The following SLC9A2 variants were observed in gnomAD, a reference collection of about 807,000 sequenced individuals.
SLC9A2 encodes solute carrier family 9 member A2.
Under a neutral mutation model 71.7 loss-of-function variants are expected in SLC9A2, and 42 were observed. The observed-to-expected ratio is 0.59, with a 90% CI of 0.46 to 0.76. The LOEUF is 0.76. Among genes scored for constraint, SLC9A2 ranks in the 30% least tolerant of loss-of-function variants. The pLI, the probability that SLC9A2 is intolerant of heterozygous loss-of-function variation, is 0.00. For missense variants in SLC9A2, 829 were observed against 1,017.4 expected, an observed-to-expected ratio of 0.81 and a Z score of 2.52; for synonymous variants, 396 against 392.5, an observed-to-expected ratio of 1.01 and a Z score of -0.10.
chr2:102,702,560 T>TTACAGCACAAAACCAGAA, intron 9 of SLC9A2, 58 bp downstream of exon 9: 1 of 1,036,356 alleles, frequency 9.6e-7, no homozygotes, highest in Non-Finnish European at 1.5e-6. Flanking sequence ...GGATGCCTTC[T>TTACAGCACAAAACCAGAA]GGTTTTGTGC....
At chr2:102,707,066 G>T (rs55675290) in intron 11 of SLC9A2, among the ~76,000 whole-genome samples, 1 of 152,026 alleles carries the variant, frequency 6.6e-6, no homozygotes, top group Non-Finnish European at 1.5e-5. Flanking sequence ...ACACAAAGGC[G>T]GGAAAAATAA....
intron 1 of SLC9A2, among the ~76,000 whole-genome samples, chr2:102,642,448 T>C (rs1676602619): frequency 6.6e-6 from 1 of 152,120 alleles, no homozygotes; most frequent in South Asian, 2.1e-4. Context: ...TTTTTTTCTT[T>C]AGCCTATCGA....
intron 3 of SLC9A2, among the ~76,000 whole-genome samples, chr2:102,680,325 T>G (rs891328663): frequency 5.3e-5 from 8 of 152,292 alleles, no homozygotes; most frequent in African/African-American, 1.7e-4. Context: ...AAATCTTACT[T>G]TTTAAAGTCT....
At chr2:102,660,647 C>G (rs959137882) in intron 2 of SLC9A2, among the ~76,000 whole-genome samples, 3 of 152,068 alleles carry the variant, frequency 2.0e-5, no homozygotes, top group African/African-American at 4.8e-5. Flanking sequence ...TCAGGCTTAT[C>G]TGTAGGAGAG....
At chr2:102,632,083 T>C (rs1401254344) in intron 1 of SLC9A2, among the ~76,000 whole-genome samples, 4 of 132,666 alleles carry the variant, frequency 3.0e-5, no homozygotes, top group East Asian at 2.0e-4. Flanking sequence ...TATACACACA[T>C]ATATATACAC....
chr2:102,645,122 G>A (rs1445574632), intron 1 of SLC9A2, among the ~76,000 whole-genome samples: 2 of 152,222 alleles, frequency 1.3e-5, no homozygotes, highest in Non-Finnish European at 2.9e-5. Flanking sequence ...AATCTTTGCT[G>A]TTCTGCAGCC....
chr2:102,645,749 G>T (rs1040110321), intron 1 of SLC9A2, among the ~76,000 whole-genome samples: 1 of 152,006 alleles, frequency 6.6e-6, no homozygotes, highest in Non-Finnish European at 1.5e-5. Flanking sequence ...GACAAGATTA[G>T]AGAAAAAAGA....
At chr2:102,670,980 C>G (rs1314741962) in intron 3 of SLC9A2, among the ~76,000 whole-genome samples, 2 of 149,862 alleles carry the variant, frequency 1.3e-5, no homozygotes, top group Non-Finnish European at 3.0e-5. Context: ...ATAACCAGTT[C>G]AACATGTTTA....
chr2:102,703,427 G>A lies in SLC9A2; in HGVS notation c.1845+925G>A, dbSNP rs1040865316. ...GTAGCTTTCTCGCTGTCCCCTGGGA[G>A]CATCTCACACCTTCCTGTCAGCTGG... On this transcript the variant is annotated intron_variant, in intron 9 of 11. Transcript: ENST00000233969. Among the ~76,000 whole-genome samples the A allele has an allele frequency of 9.2e-5, 14 of 152,136 alleles. 1 individual carries two copies. The East Asian group carries it at 1.3e-3, about 15-fold the overall frequency.
At chr2:102,701,373 T>C in intron 8 of SLC9A2, 142 bp downstream of exon 8, 1 of 599,646 alleles carries the variant, frequency 1.7e-6, no homozygotes, top group Non-Finnish European at 2.8e-6. Context: ...ATTACAGGCA[T>C]GAGCCACTGT....
chr2:102,680,351 A>G (rs1206718067), intron 3 of SLC9A2, among the ~76,000 whole-genome samples: 2 of 152,192 alleles, frequency 1.3e-5, no homozygotes, highest in African/African-American at 4.8e-5. Context: ...AACAAAAATT[A>G]AGCCAAAATA....
At chr2:102,624,344 T>C (rs1235777951) in intron 1 of SLC9A2, among the ~76,000 whole-genome samples, 1 of 152,228 alleles carries the variant, frequency 6.6e-6, no homozygotes, top group Non-Finnish European at 1.5e-5. Context: ...ATTATTTTTA[T>C]AGTTATAAGT....
chr2:102,675,819 G>T (rs185673528), intron 3 of SLC9A2, among the ~76,000 whole-genome samples: 2 of 152,162 alleles, frequency 1.3e-5, no homozygotes, highest in Non-Finnish European at 2.9e-5. Context: ...TAAATAAAAT[G>T]ACTCAAATTT....
chr2:102,679,192 G>A (rs186827338), intron 3 of SLC9A2, among the ~76,000 whole-genome samples: 110 of 152,198 alleles, frequency 7.2e-4, no homozygotes, highest in Non-Finnish European at 1.2e-3. Flanking sequence ...CACCCAGGGC[G>A]TTCTTTCTTC....
At chr2:102,691,028 A>T (rs915297820) in intron 5 of SLC9A2, among the ~76,000 whole-genome samples, 1 of 151,618 alleles carries the variant, frequency 6.6e-6, no homozygotes, top group African/African-American at 2.4e-5. Context: ...GCAGTTGTAT[A>T]ATTTTTGTTT....
At chr2:102,629,406 C>T (rs899317900) in intron 1 of SLC9A2, among the ~76,000 whole-genome samples, 8 of 151,946 alleles carry the variant, frequency 5.3e-5, no homozygotes, top group African/African-American at 1.5e-4. Context: ...TCTATATCTA[C>T]ATTTTCCAGA....
intron 5 of SLC9A2, among the ~76,000 whole-genome samples, chr2:102,689,121 G>A (rs1410330937): frequency 1.3e-5 from 2 of 152,174 alleles, no homozygotes; most frequent in African/African-American, 4.8e-5. Context: ...TATTGTCCAT[G>A]ACAAGAGCTG....
chr2:102,679,921 A>G (rs1677418041), intron 3 of SLC9A2, among the ~76,000 whole-genome samples: 1 of 152,218 alleles, frequency 6.6e-6, no homozygotes, highest in South Asian at 2.1e-4. Flanking sequence ...GAATATGAGA[A>G]GTCAACTTTA....
At chr2:102,684,416 G>A in intron 5 of SLC9A2, 80 bp downstream of exon 5, 2 of 1,282,882 alleles carry the variant, frequency 1.6e-6, no homozygotes, top group South Asian at 2.4e-5. Flanking sequence ...ATGCAAAGTA[G>A]CAAAGGTGTG....
Sources: allele counts gnomAD v4.1 joint callset (sites outside exome capture counted in the v4.1 genomes callset), GRCh38; gene constraint gnomAD v4.1.1; transcripts MANE v1.5; gene names NCBI Gene and HGNC (gene_info 2026-07-23, HGNC 2026-07-21).